SEC24B: variants seen among roughly 807,000 people sequenced by gnomAD.
The protein encoded by SEC24B is SEC24 homolog B, COPII component.
Under a neutral mutation model 142.8 loss-of-function variants are expected in SEC24B, and 45 were observed. The observed-to-expected ratio is 0.32, with a 90% CI of 0.25 to 0.40. The LOEUF is 0.40. Among genes scored for constraint, SEC24B ranks in the 10% least tolerant of loss-of-function variants. The pLI, the probability that SEC24B is intolerant of heterozygous loss-of-function variation, is 1.00. For missense variants in SEC24B, 1,409 were observed against 1,526.8 expected, an observed-to-expected ratio of 0.92 and a Z score of 1.29; for synonymous variants, 574 against 568.2, an observed-to-expected ratio of 1.01 and a Z score of -0.15.
At chr4:109,448,707 A>G (rs1729737215) in intron 1 of SEC24B, among the ~76,000 whole-genome samples, 1 of 152,178 alleles carries the variant, frequency 6.6e-6, no homozygotes. Flanking sequence ...TGCTGGGATT[A>G]CAGGCATGAG....
intron 1 of SEC24B, among the ~76,000 whole-genome samples, chr4:109,441,316 T>G (rs1561056588): frequency 6.6e-6 from 1 of 152,196 alleles, no homozygotes. Context: ...CCCTGTTTAT[T>G]TGTATATAAA....
At chr4:109,533,294 G>A (rs1725132100) in intron 21 of SEC24B, among the ~76,000 whole-genome samples, 1 of 152,102 alleles carries the variant, frequency 6.6e-6, no homozygotes, top group Non-Finnish European at 1.5e-5. Flanking sequence ...TACACAGACA[G>A]TAATGAAATA....
chr4:109,456,551 TC>T (rs1730713974), intron 1 of SEC24B, among the ~76,000 whole-genome samples: 1 of 152,146 alleles, frequency 6.6e-6, no homozygotes, highest in African/African-American at 2.4e-5. Flanking sequence ...ATAGTCCTTA[TC>T]AGGTTAAGAA....
intron 3 of SEC24B, among the ~76,000 whole-genome samples, chr4:109,476,905 A>C (rs980290821): frequency 6.6e-6 from 1 of 152,056 alleles, no homozygotes; most frequent in Non-Finnish European, 1.5e-5. Flanking sequence ...TGGGAGGCCG[A>C]GGCGGGCGGA....
chr4:109,501,084 T>C (rs28681408), intron 6 of SEC24B, among the ~76,000 whole-genome samples: 46,763 of 152,174 alleles, frequency 0.31, 11,992 homozygotes, highest in African/African-American at 0.71. Context: ...AGAGCAACTT[T>C]GAGTCCTGTA....
intron 11 of SEC24B, among the ~76,000 whole-genome samples, chr4:109,516,941 G>GA (rs1241025667): frequency 6.6e-6 from 1 of 152,080 alleles, no homozygotes; most frequent in Non-Finnish European, 1.5e-5. Flanking sequence ...AGTATATCGG[G>GA]AATCTGGATG....
chr4:109,489,654 T>A (rs941224485), intron 4 of SEC24B, among the ~76,000 whole-genome samples: 2 of 114,518 alleles, frequency 1.7e-5, no homozygotes, highest in African/African-American at 9.8e-5. Flanking sequence ...ATATATATGG[T>A]ATATATATGA....
intron 10 of SEC24B, among the ~76,000 whole-genome samples, chr4:109,514,072 C>G (rs1280737879): frequency 2.0e-5 from 3 of 152,168 alleles, no homozygotes; most frequent in African/African-American, 7.2e-5. Flanking sequence ...AATGTTAGTT[C>G]TGTCTTATGA....
In SEC24B at chr4:109,520,596, G is replaced by A; in HGVS notation, c.2245+112G>A. 5.4e-6 allele frequency: 4 copies of A among 734,130 alleles called. No individual in the cohort carries two copies. The South Asian group carries it at 6.1e-5, about 11-fold the overall frequency. The allele number at this position is 734,130 out of a possible 1,614,324, so 45.5% of individuals were successfully genotyped here. On this transcript the variant is annotated intron_variant, in intron 12 of 23. Transcript: ENST00000265175. Reference sequence around the variant, plus strand: ...TGTGAGGATAATGTCATGCACTTTAGTATTTGTTCAAAATAATTGTTTTTC... The same window carrying A: ...TGTGAGGATAATGTCATGCACTTTAATATTTGTTCAAAATAATTGTTTTTC...
intron 11 of SEC24B, among the ~76,000 whole-genome samples, chr4:109,517,999 G>A (rs992487189): frequency 6.6e-6 from 1 of 151,242 alleles, no homozygotes; most frequent in Non-Finnish European, 1.5e-5. Context: ...ACAGAGTCTC[G>A]CTCTGTTGCC....
At chr4:109,493,061 T>A (rs1735182415) in intron 5 of SEC24B, among the ~76,000 whole-genome samples, 1 of 152,084 alleles carries the variant, frequency 6.6e-6, no homozygotes, top group African/African-American at 2.4e-5. Context: ...ACTTGTCATG[T>A]TAAGAGAACT....
intron 14 of SEC24B, among the ~76,000 whole-genome samples, chr4:109,523,196 G>A (rs1723843577): frequency 6.6e-6 from 1 of 152,152 alleles, no homozygotes; most frequent in South Asian, 2.1e-4. Context: ...ATGGCCGGGT[G>A]CAGTGGCTCA....
At chr4:109,519,864 A>G (rs1009703840) in intron 11 of SEC24B, among the ~76,000 whole-genome samples, 1 of 152,332 alleles carries the variant, frequency 6.6e-6, no homozygotes, top group Middle Eastern at 3.4e-3. Context: ...TGAAGTTAAC[A>G]TAGTTGGTAG....
intron 5 of SEC24B, among the ~76,000 whole-genome samples, chr4:109,493,056 TCATGTTAAGAGAA>T (rs1268110162): frequency 6.6e-6 from 1 of 152,040 alleles, no homozygotes; most frequent in East Asian, 1.9e-4. Context: ...TGATAACTTG[TCATGTTAAGAGAA>T]CTTTCTGCCT....
intron 10 of SEC24B, among the ~76,000 whole-genome samples, chr4:109,514,774 A>G (rs1318338874): frequency 6.6e-6 from 1 of 152,144 alleles, no homozygotes; most frequent in African/African-American, 2.4e-5. Context: ...CAAAACTTAA[A>G]CTGCTGCTAG....
At position 109,484,382 on chromosome 4, in the gene SEC24B, C is replaced by T. The variant is rs1734129860; in HGVS notation, c.1165+2601C>T. Among the ~76,000 whole-genome samples the T allele has an allele frequency of 4.6e-5, 7 of 152,290 alleles. No homozygotes were observed. The South Asian group carries it at 1.5e-3, about 32-fold the overall frequency. ...TTGAGGCACATGATGTCAATTTGTT[C>T]TCATATTGATGAGGTTAACTTTTAT... is the stretch of plus-strand genomic sequence containing the variant. On this transcript the variant is annotated intron_variant, in intron 4 of 23. Transcript: ENST00000265175.
Position 109,494,843 on chromosome 4 carries a change from A to G in SEC24B, c.1475A>G (p.Gln492Arg), listed in dbSNP as rs1263095549. The change falls in exon 6 of 24, where the codon CAG becomes CGG. Residue 492 changes from glutamine to arginine, a missense_variant. This residue lies in a region of SEC24B where 709 missense variants were observed against 673.5 expected (regional missense o/e 1.05). Coordinates refer to ENST00000265175, the MANE Select transcript of SEC24B (RefSeq NM_006323.5). ...AGTAACCCGGTATATTCTGGATTCCAGCAGTATCCTCAAGTATGTATTCAG... is the reference window on the plus strand; with the variant it reads ...AGTAACCCGGTATATTCTGGATTCCGGCAGTATCCTCAAGTATGTATTCAG... ...QPSNPVYSGF[Q>R]QYPQQYPGVN... The G allele has an allele frequency of 1.2e-6, 2 of 1,614,128 alleles. No homozygotes were observed. Among genetic ancestry groups the G allele is most frequent in the Admixed American group, 3.3e-5 (2 of 60,038 alleles).
chr4:109,522,113 G>A (rs187942238), intron 14 of SEC24B, among the ~76,000 whole-genome samples: 24 of 150,292 alleles, frequency 1.6e-4, no homozygotes, highest in African/African-American at 3.4e-4. Flanking sequence ...GTGCAGTGGC[G>A]CGCTCTCAGC....
At chr4:109,509,169 G>T (rs1737036455) in intron 7 of SEC24B, among the ~76,000 whole-genome samples, 1 of 152,142 alleles carries the variant, frequency 6.6e-6, no homozygotes, top group Admixed American at 6.5e-5. Flanking sequence ...GAATAAAAGG[G>T]TTCCAACCTG....
Sources: gnomAD v4.1 joint callset for allele counts (sites outside exome capture counted in the v4.1 genomes callset) on GRCh38, gnomAD v4.1.1 for gene constraint, gnomAD v4.1.1 regional missense constraint, MANE v1.5 for transcripts, NCBI Gene and HGNC (gene_info 2026-07-23, HGNC 2026-07-21) for gene names.